PAPSS2: variants seen among roughly 807,000 people sequenced by gnomAD.
PAPSS2 encodes bifunctional 3'-phosphoadenosine 5'-phosphosulfate synthase 2.
PAPSS2 carries 61 observed loss-of-function variants against 66.5 expected under a neutral mutation model. The observed-to-expected ratio is 0.92, with a 90% CI of 0.75 to 1.14. The LOEUF is 1.14. Among genes scored for constraint, PAPSS2 ranks in the 50% most tolerant of loss-of-function variants. The probability of loss-of-function intolerance (pLI) is 0.00; values close to 1 mark genes in which losing one functional copy is unlikely to be tolerated. For missense variants in PAPSS2, 708 were observed against 789.6 expected, an observed-to-expected ratio of 0.90 and a Z score of 1.24; for synonymous variants, 289 against 287.5, an observed-to-expected ratio of 1.01 and a Z score of -0.05.
Position 87,743,557 on chromosome 10 carries a change from T to C in PAPSS2, c.1407T>C (p.Ala469=). Residue 469 remains alanine (A), a synonymous_variant, in exon 11 of 13, where the codon GCT becomes GCC. Transcript: ENST00000456849. ...ACTGGCGGATGAAGCAGCACGCGGC[T>C]GTGCTCGAGGAAGGGGTCCTGGATC... ...PLDWRMKQHA[A]VLEEGVLDPK... The C allele has an allele frequency of 6.2e-7, 1 of 1,614,172 alleles. No homozygotes were observed. Among genetic ancestry groups the C allele is most frequent in the Non-Finnish European group, 8.5e-7 (1 of 1,180,014 alleles).
intron 7 of PAPSS2, among the ~76,000 whole-genome samples, chr10:87,720,185 C>T (rs536472242): frequency 2.0e-5 from 3 of 152,196 alleles, no homozygotes; most frequent in East Asian, 3.9e-4. Flanking sequence ...TGCACGCAGC[C>T]GAAACTTTCT....
chr10:87,737,199 G>A (rs1853811111), intron 9 of PAPSS2, among the ~76,000 whole-genome samples: 1 of 152,146 alleles, frequency 6.6e-6, no homozygotes, highest in Non-Finnish European at 1.5e-5. Context: ...GCCAGAGTTG[G>A]GCCATCTAAT....
intron 7 of PAPSS2, among the ~76,000 whole-genome samples, chr10:87,716,775 A>G (rs1391089197): frequency 6.6e-6 from 1 of 152,180 alleles, no homozygotes; most frequent in Non-Finnish European, 1.5e-5. Context: ...AACACCCCAC[A>G]ACCTGAATCC....
chr10:87,724,983 A>G (rs939352662), intron 8 of PAPSS2, among the ~76,000 whole-genome samples: 5 of 151,822 alleles, frequency 3.3e-5, no homozygotes, highest in South Asian at 2.1e-4. Flanking sequence ...CCTGCGGTTC[A>G]AGTCCACAGG....
Sources: gnomAD v4.1 joint callset for allele counts (sites outside exome capture counted in the v4.1 genomes callset) on GRCh38, gnomAD v4.1.1 for gene constraint, MANE v1.5 for transcripts, NCBI Gene and HGNC (gene_info 2026-07-23, HGNC 2026-07-21) for gene names.